Variants in MAP2K5 observed in about 807,000 individuals in gnomAD.
The protein encoded by MAP2K5 is mitogen-activated protein kinase kinase 5.
A neutral mutation model predicts 83.1 loss-of-function variants in MAP2K5; 49 were observed. The ratio of observed to expected loss-of-function variants is 0.59; its 90% CI spans 0.47 to 0.75. The LOEUF is 0.75. Among genes scored for constraint, MAP2K5 ranks in the 30% least tolerant of loss-of-function variants. The pLI, the probability that MAP2K5 is intolerant of heterozygous loss-of-function variation, is 0.00. For synonymous variants in MAP2K5, 202 were observed against 191.8 expected (o/e 1.05, Z -0.44); for missense variants, 457 against 557.5 (o/e 0.82, Z 1.82).
chr15:67,703,274 T>C, intron 15 of MAP2K5, 63 bp from the exon 16 acceptor site: 5 of 1,208,726 alleles, frequency 4.1e-6, no homozygotes, highest in Non-Finnish European at 6.1e-6. Flanking sequence ...GAGCTTATTT[T>C]GGTGTATGTG....
intron 17 of MAP2K5, among the ~76,000 whole-genome samples, chr15:67,733,381 A>G (rs2089267701): frequency 1.3e-5 from 2 of 152,180 alleles, no homozygotes; most frequent in South Asian, 4.1e-4. Context: ...TTCAAATAAG[A>G]TGATAAGTAG....
intron 8 of MAP2K5, among the ~76,000 whole-genome samples, chr15:67,619,872 C>T (rs918722680): frequency 3.3e-5 from 5 of 151,864 alleles, no homozygotes; most frequent in African/African-American, 1.2e-4. Flanking sequence ...TCAAGACCAG[C>T]CTGGGCAACA....
Position 67,592,908 on chromosome 15 carries a change from A to G in MAP2K5, c.432-18A>G, listed in dbSNP as rs368899265. 5.0e-6 allele frequency: 8 copies of G among 1,597,762 alleles called. No homozygotes were observed. In the African/African-American group the frequency reaches 1.1e-4, roughly 21 times the overall value. On this transcript the variant is annotated intron_variant, in intron 6 of 21. Transcript: ENST00000178640. The stretch of plus-strand genomic sequence containing the variant: ...GGTGTTGATGATCTTGCCACTAAAA[A>G]TTATCTTTCCTTTTCAGCTTAAAGA...
intron 3 of MAP2K5, among the ~76,000 whole-genome samples, chr15:67,579,350 G>A (rs945122510): frequency 1.3e-5 from 2 of 152,188 alleles, no homozygotes; most frequent in Admixed American, 1.3e-4. Flanking sequence ...CAGCCTACAT[G>A]ATTGATATTT....
In MAP2K5 at chr15:67,555,883, A is replaced by C. The variant is rs2084613045; in HGVS notation, c.184+5801A>C. On this transcript the variant is annotated intron_variant, in intron 2 of 21. Coordinates refer to ENST00000178640, the MANE Select transcript of MAP2K5 (RefSeq NM_145160.3). The surrounding 1 kb of genome is among the most constrained non-coding windows in gnomAD (Gnocchi z 5.2). ...ACTGCAACCTCCACCTCAGGGGTTCAAGCGATTCTCCTGCCTCAGCCTCCC... is the reference window on the plus strand; with the variant it reads ...ACTGCAACCTCCACCTCAGGGGTTCCAGCGATTCTCCTGCCTCAGCCTCCC... 1.3e-5 allele frequency among the ~76,000 whole-genome samples: 2 copies of C among 151,996 alleles called. No homozygotes were observed. Among genetic ancestry groups the C allele is most frequent in the Non-Finnish European group, 2.9e-5 (2 of 68,002 alleles).
rs547096307 is a variant in MAP2K5 at position 67,638,512 on chromosome 15, G to A, written c.585+7585G>A. Among the ~76,000 whole-genome samples the A allele has an allele frequency of 1.4e-4, 22 of 152,124 alleles. No homozygotes were observed. Among genetic ancestry groups the A allele is most frequent in the Non-Finnish European group, 2.6e-4 (18 of 68,030 alleles). The stretch of plus-strand genomic sequence containing the variant: ...GTTGATTCCATGTCTTTGCTATTGC[G>A]AATAGTGCTGCAATGACCATTTGCA... On this transcript the variant is annotated intron_variant, in intron 9 of 21. Coordinates refer to ENST00000178640, the MANE Select transcript of MAP2K5 (RefSeq NM_145160.3). This position sits in a 1 kb window ranked among gnomAD's most constrained non-coding sequence, Gnocchi z 4.5.
chr15:67,685,195 A>G (rs917188348), intron 13 of MAP2K5, among the ~76,000 whole-genome samples: 20 of 152,206 alleles, frequency 1.3e-4, no homozygotes, highest in Non-Finnish European at 7.3e-5. Context: ...GAAAATCTTA[A>G]AAATATTCAC....
intron 16 of MAP2K5, among the ~76,000 whole-genome samples, chr15:67,707,795 T>C (rs1021102463): frequency 1.3e-5 from 2 of 152,154 alleles, no homozygotes; most frequent in African/African-American, 2.4e-5. Flanking sequence ...CTTCCCCATT[T>C]CCCAGCACAC....
chr15:67,701,899 C>T (rs2088429452), intron 15 of MAP2K5, among the ~76,000 whole-genome samples: 1 of 152,190 alleles, frequency 6.6e-6, no homozygotes, highest in Non-Finnish European at 1.5e-5. Flanking sequence ...TCTAATTTTG[C>T]AGTCAGACAT....
chr15:67,712,376 T>C (rs771375540), intron 16 of MAP2K5, among the ~76,000 whole-genome samples: 2 of 152,130 alleles, frequency 1.3e-5, no homozygotes, highest in Non-Finnish European at 2.9e-5. Context: ...TCCAGTGAGA[T>C]TTTCAGTGCC....
rs1313549919 is a variant in MAP2K5, at chr15:67,781,501, A to G, written c.1242+8749A>G. Among the ~76,000 whole-genome samples the G allele has an allele frequency of 6.6e-6, 1 of 152,148 alleles. No homozygotes were observed. Among genetic ancestry groups the G allele is most frequent in the Admixed American group, 6.5e-5 (1 of 15,276 alleles). On this transcript the variant is annotated intron_variant, in intron 21 of 21. Transcript: ENST00000178640. The surrounding 1 kb of genome is among the most constrained non-coding windows in gnomAD (Gnocchi z 4.0). ...TAGAGACTGCAGAAAGGCAGTAGAG[A>G]CATTTGGGCCTACCGTCCTCTATTT...
intron 21 of MAP2K5, among the ~76,000 whole-genome samples, chr15:67,796,035 T>C (rs2090598806): frequency 6.6e-6 from 1 of 152,206 alleles, no homozygotes; most frequent in South Asian, 2.1e-4. Flanking sequence ...CCATCTTCTT[T>C]TGGTTAGTAT....
At chr15:67,590,718 TG>T (rs2085390046) in intron 6 of MAP2K5, among the ~76,000 whole-genome samples, 1 of 152,090 alleles carries the variant, frequency 6.6e-6, no homozygotes, top group African/African-American at 2.4e-5. Context: ...CATCCCAAAG[TG>T]CTGGGATTAC....
chr15:67,601,976 T>C (rs2085668264), intron 8 of MAP2K5, among the ~76,000 whole-genome samples: 1 of 152,244 alleles, frequency 6.6e-6, no homozygotes. Context: ...TTGTGAACAG[T>C]TGGTCTGAAA....
At chr15:67,666,925 T>C (rs1438348604) in intron 13 of MAP2K5, among the ~76,000 whole-genome samples, 2 of 152,194 alleles carry the variant, frequency 1.3e-5, no homozygotes, top group East Asian at 1.9e-4. Context: ...CCAGTAGTTA[T>C]GGCCACTCAA....
At chr15:67,600,541 C>T in intron 7 of MAP2K5, 144 bp from the exon 8 acceptor site, 1 of 640,358 alleles carries the variant, frequency 1.6e-6, no homozygotes, top group East Asian at 2.9e-5. Context: ...AATTGGACAG[C>T]AAACGTTGTA....
At chr15:67,569,077 C>A (rs2084902657) in intron 3 of MAP2K5, among the ~76,000 whole-genome samples, 1 of 151,544 alleles carries the variant, frequency 6.6e-6, no homozygotes. Context: ...TTGTCCTTAC[C>A]TACAAGGCTG....
At chr15:67,685,323 AATT>A (rs2087926918) in intron 13 of MAP2K5, among the ~76,000 whole-genome samples, 1 of 152,204 alleles carries the variant, frequency 6.6e-6, no homozygotes, top group East Asian at 1.9e-4. Flanking sequence ...GAAAGAAAGA[AATT>A]ATTCCAGAAT....
In MAP2K5 at chr15:67,769,354, T is replaced by C. The variant is rs2090098887; in HGVS notation, c.1135-248T>C. ...CTTCTCTCCTACCCTGTGGCTATCA[T>C]TGTCCTTTTTTCACCTCCCCCTCTC... is the stretch of plus-strand genomic sequence containing the variant. On this transcript the variant is annotated intron_variant, in intron 19 of 21. Transcript: ENST00000178640. The surrounding 1 kb of genome is among the most constrained non-coding windows in gnomAD (Gnocchi z 5.2). Among the ~76,000 whole-genome samples the C allele has an allele frequency of 6.6e-6, 1 of 152,224 alleles. No homozygotes were observed. The highest frequency in any genetic ancestry group is 2.4e-5 in the African/African-American group (1 of 41,470).
Sources: gnomAD v4.1 joint callset for allele counts (sites outside exome capture counted in the v4.1 genomes callset) on GRCh38, gnomAD v4.1.1 for gene constraint, Gnocchi (gnomAD v3.1) non-coding constraint, MANE v1.5 for transcripts, NCBI Gene and HGNC (gene_info 2026-07-23, HGNC 2026-07-21) for gene names.